The following FGD4 variants were observed in gnomAD, a reference collection of about 807,000 sequenced individuals.
FGD4 encodes FYVE, RhoGEF and PH domain containing 4, also known as FYVE, RhoGEF and PH domain-containing protein 4.
A neutral mutation model predicts 102.0 loss-of-function variants in FGD4; 42 were observed. That is an observed-to-expected ratio of 0.41 (90% CI 0.32 to 0.53). The LOEUF is 0.53. Among genes scored for constraint, FGD4 ranks in the 20% least tolerant of loss-of-function variants. The pLI is 0.21. For synonymous variants in FGD4, 380 were observed against 375.7 expected (o/e 1.01, Z -0.13); for missense variants, 902 against 1,078.2 (o/e 0.84, Z 2.29).
intron 9 of FGD4, 63 bp from the exon 10 acceptor site, chr12:32,611,074 G>A (rs1949104934): frequency 1.3e-6 from 2 of 1,590,250 alleles, no homozygotes; most frequent in Admixed American, 1.7e-5. Flanking sequence ...TAAGGTCATA[G>A]TATTATTAAA....
intron 1 of FGD4, among the ~76,000 whole-genome samples, chr12:32,552,085 C>T (rs954602580): frequency 5.9e-5 from 9 of 152,220 alleles, no homozygotes; most frequent in Non-Finnish European, 1.0e-4. Context: ...AGTCTGCGAA[C>T]CTCCTCCAGC....
intron 1 of FGD4, among the ~76,000 whole-genome samples, chr12:32,509,896 A>G (rs765560093): frequency 9.9e-5 from 15 of 151,988 alleles, no homozygotes; most frequent in Non-Finnish European, 2.2e-4. Flanking sequence ...AAACGTGGCC[A>G]CCTCTAATCT....
At chr12:32,481,761 C>T (rs1943772620) in intron 1 of FGD4, among the ~76,000 whole-genome samples, 1 of 150,100 alleles carries the variant, frequency 6.7e-6, no homozygotes, top group African/African-American at 2.5e-5. Context: ...GCAGAGGTTG[C>T]AGTGAGCCAA....
intron 1 of FGD4, among the ~76,000 whole-genome samples, chr12:32,494,184 G>A (rs1291688853): frequency 6.6e-6 from 1 of 152,186 alleles, no homozygotes; most frequent in Non-Finnish European, 1.5e-5. Flanking sequence ...GACTACAGGT[G>A]TGTGCCACCA....
At chr12:32,479,757 A>G (rs1280424187) in intron 1 of FGD4, among the ~76,000 whole-genome samples, 1 of 150,158 alleles carries the variant, frequency 6.7e-6, no homozygotes, top group Non-Finnish European at 1.5e-5. Context: ...CTGCAGAAAT[A>G]TAAGCAGAAA....
chr12:32,550,788 G>A (rs989032435), intron 1 of FGD4, among the ~76,000 whole-genome samples: 15 of 151,342 alleles, frequency 9.9e-5, no homozygotes, highest in African/African-American at 3.4e-4. Context: ...ATGAAGAAAC[G>A]TCAAATGGAG....
At chr12:32,400,700 A>C (rs1209643973) in intron 1 of FGD4, among the ~76,000 whole-genome samples, 1 of 152,172 alleles carries the variant, frequency 6.6e-6, no homozygotes, top group Non-Finnish European at 1.5e-5. Flanking sequence ...TTTGATTTGC[A>C]AAACTTCTTT....
At chr12:32,595,771 A>G (rs757663039) in intron 4 of FGD4, among the ~76,000 whole-genome samples, 9 of 152,224 alleles carry the variant, frequency 5.9e-5, no homozygotes, top group Non-Finnish European at 1.3e-4. Flanking sequence ...GTTAAATCCA[A>G]ACTTTGACTA....
At chr12:32,419,331 A>G (rs1036949829) in intron 1 of FGD4, among the ~76,000 whole-genome samples, 3 of 152,212 alleles carry the variant, frequency 2.0e-5, no homozygotes, top group African/African-American at 7.2e-5. Flanking sequence ...CTCAGAGCCC[A>G]GTGCCTATGG....
chr12:32,559,541 A>G (rs963853137), intron 1 of FGD4, among the ~76,000 whole-genome samples: 5 of 152,344 alleles, frequency 3.3e-5, no homozygotes, highest in East Asian at 1.9e-4. Flanking sequence ...TTAATAAACA[A>G]TGTTCTGAAA....
At chr12:32,588,005 A>G (rs1947184944) in intron 4 of FGD4, among the ~76,000 whole-genome samples, 1 of 152,204 alleles carries the variant, frequency 6.6e-6, no homozygotes, top group South Asian at 2.1e-4. Flanking sequence ...TGAGCCATGA[A>G]GCACAAACAA....
chr12:32,462,950 TGGG>T (rs1407749839), intron 1 of FGD4, among the ~76,000 whole-genome samples: 2 of 152,198 alleles, frequency 1.3e-5, no homozygotes, highest in Non-Finnish European at 2.9e-5. Context: ...ATTTCTTTTG[TGGG>T]GGGATTTTAA....
At chr12:32,440,013 CCGT>C (rs1942376306) in intron 1 of FGD4, among the ~76,000 whole-genome samples, 1 of 151,874 alleles carries the variant, frequency 6.6e-6, no homozygotes, top group South Asian at 2.1e-4. Context: ...ATTTCAATCT[CCGT>C]TAAATTTATC....
chr12:32,416,983 G>A lies in FGD4; in HGVS notation c.166+17024G>A, dbSNP rs1286986935. 3.3e-5 allele frequency among the ~76,000 whole-genome samples: 5 copies of A among 150,856 alleles called. No homozygotes were observed. The South Asian group carries it at 6.3e-4, about 19-fold the overall frequency. ...ACAATCTCGGCTCACTGCAACCTCC[G>A]CCTCCTGGGTTCAAGCAATTCTCCT... On this transcript the variant is annotated intron_variant, in intron 1 of 16. Coordinates refer to ENST00000534526, the MANE Select transcript of FGD4 (RefSeq NM_001370298.3).
At chr12:32,524,815 C>T (rs974339058) in intron 1 of FGD4, among the ~76,000 whole-genome samples, 2 of 138,972 alleles carry the variant, frequency 1.4e-5, no homozygotes, top group African/African-American at 5.1e-5. Flanking sequence ...CAGAGTGAGA[C>T]ACTGTTTCAA....
chr12:32,439,626 G>C (rs550126075), intron 1 of FGD4, among the ~76,000 whole-genome samples: 64 of 152,254 alleles, frequency 4.2e-4, no homozygotes, highest in African/African-American at 1.5e-3. Context: ...TGACCCTTGG[G>C]AGTTTATTAC....
At chr12:32,576,182 TA>T in intron 2 of FGD4, 83 bp from the exon 3 acceptor site, 1 of 1,372,790 alleles carries the variant, frequency 7.3e-7, no homozygotes, top group South Asian at 1.3e-5. Context: ...TAATGCTGAA[TA>T]TTTTTGCACC....
At chr12:32,592,609 C>T (rs1295320061) in intron 4 of FGD4, among the ~76,000 whole-genome samples, 1 of 152,026 alleles carries the variant, frequency 6.6e-6, no homozygotes, top group Non-Finnish European at 1.5e-5. Context: ...AAAAAAATAT[C>T]AGGCTATAGC....
At chr12:32,485,436 A>ATTTTTTTTT (rs372655892) in intron 1 of FGD4, among the ~76,000 whole-genome samples, 1 of 114,218 alleles carries the variant, frequency 8.8e-6, no homozygotes, top group African/African-American at 3.2e-5. Context: ...TTTAAGACCA[A>ATTTTTTTTT]TTTTTTTTTT....
Sources: gnomAD v4.1 joint callset for allele counts (sites outside exome capture counted in the v4.1 genomes callset) on GRCh38, gnomAD v4.1.1 for gene constraint, MANE v1.5 for transcripts, NCBI Gene and HGNC (gene_info 2026-07-23, HGNC 2026-07-21) for gene names.